The following CCDC69 variants were observed in gnomAD, a reference collection of about 807,000 sequenced individuals.
CCDC69 encodes the protein coiled-coil domain-containing protein 69.
Under a neutral mutation model 40.3 loss-of-function variants are expected in CCDC69, and 38 were observed. The ratio of observed to expected loss-of-function variants is 0.94; its 90% confidence interval spans 0.73 to 1.24. The LOEUF is 1.24. Among genes scored for constraint, CCDC69 ranks in the 50% most tolerant of loss-of-function variants. The pLI, the probability that CCDC69 is intolerant of heterozygous loss-of-function variation, is 0.00. For missense variants in CCDC69, 389 were observed against 357.9 expected (o/e 1.09, Z -0.70); for synonymous variants, 141 against 138.9 (o/e 1.02, Z -0.11).
At chr5:151,192,087 G>GAAA (rs34310340) in intron 4 of CCDC69, among the ~76,000 whole-genome samples, 38 of 38,792 alleles carry the variant, frequency 9.8e-4, no homozygotes, top group South Asian at 2.5e-3. Context: ...CCTGTCTCAG[G>GAAA]AAAAAAAAAA....
intron 1 of CCDC69, chr5:151,215,781 C>A: frequency 4.1e-6 from 1 of 245,776 alleles, no homozygotes; most frequent in Non-Finnish European, 9.2e-6. Flanking sequence ...AATAAGTACC[C>A]ATTAGTGAGG....
intron 4 of CCDC69, among the ~76,000 whole-genome samples, chr5:151,194,835 T>G (rs1442148432): frequency 7.3e-6 from 1 of 137,094 alleles, no homozygotes; most frequent in Admixed American, 8.5e-5. Flanking sequence ...GAGGTTGCAG[T>G]GAGCCGAGAT....
chr5:151,187,521 C>T, intron 4 of CCDC69, 62 bp from the exon 5 acceptor site: 2 of 1,393,046 alleles, frequency 1.4e-6, no homozygotes, highest in East Asian at 2.3e-5. Flanking sequence ...TCTGCAGGCC[C>T]CTTGGTGGCC....
At chr5:151,192,553 G>T (rs1752629050) in intron 4 of CCDC69, among the ~76,000 whole-genome samples, 2 of 152,040 alleles carry the variant, frequency 1.3e-5, no homozygotes, top group South Asian at 4.1e-4. Flanking sequence ...TGAAAGACAT[G>T]CCCAAGCACA....
chr5:151,223,086 T>TC (rs1272152845), intron 1 of CCDC69, among the ~76,000 whole-genome samples: 13 of 151,926 alleles, frequency 8.6e-5, no homozygotes, highest in African/African-American at 2.7e-4. Flanking sequence ...AATTTGAGGG[T>TC]CCTTCTTCCC....
intron 4 of CCDC69, among the ~76,000 whole-genome samples, chr5:151,196,027 C>T (rs1057368585): frequency 2.6e-5 from 4 of 152,198 alleles, no homozygotes; most frequent in Admixed American, 1.3e-4. Context: ...ATGTACTTTA[C>T]GGTCTTGCCT....
chr5:151,221,598 C>T (rs1753135789), intron 1 of CCDC69, among the ~76,000 whole-genome samples: 1 of 152,268 alleles, frequency 6.6e-6, no homozygotes, highest in Non-Finnish European at 1.5e-5. Context: ...AACTGCACAG[C>T]TTTGCCACCA....
intron 1 of CCDC69, chr5:151,212,870 T>G (rs1561604688): frequency 8.8e-6 from 4 of 456,090 alleles, no homozygotes; most frequent in Non-Finnish European, 1.8e-5. Flanking sequence ...GAAGAAAAAT[T>G]TCAGAACCAT....
rs1234341845 is a variant in CCDC69, at chr5:151,182,124, ATC to A, written c.*1311_*1312del. On this transcript the variant is annotated 3_prime_UTR_variant, in exon 9 of 9. Coordinates refer to ENST00000355417, the MANE Select transcript of CCDC69 (RefSeq NM_015621.3). The stretch of plus-strand genomic sequence containing the variant: ...TGAGCAAGGCCCTTTGACTCCTGTG[ATC>A]TGTTTGCCATGTTGCCAATGAGGAA... 3 of 152,180 alleles carry A rather than the reference ATC, an allele frequency of 2.0e-5. No homozygotes were observed. Among genetic ancestry groups the A allele is most frequent in the Non-Finnish European group, 2.9e-5 (2 of 68,042 alleles). 9.4% of individuals were successfully genotyped at this position (152,180 alleles called of 1,614,324 possible).
chr5:151,214,374 C>T (rs1028950239), intron 1 of CCDC69, among the ~76,000 whole-genome samples: 8 of 151,938 alleles, frequency 5.3e-5, no homozygotes, highest in Admixed American at 2.0e-4. Flanking sequence ...GGAGGAAGGG[C>T]GGGGCCTAAA....
At chr5:151,218,874 G>T (rs1014388686) in intron 1 of CCDC69, among the ~76,000 whole-genome samples, 1 of 152,172 alleles carries the variant, frequency 6.6e-6, no homozygotes, top group Non-Finnish European at 1.5e-5. Context: ...TAGAGGAAAA[G>T]AATTAAAAAC....
intron 4 of CCDC69, among the ~76,000 whole-genome samples, chr5:151,188,191 G>A (rs1752553408): frequency 6.6e-6 from 1 of 152,130 alleles, no homozygotes; most frequent in Non-Finnish European, 1.5e-5. Context: ...TTCCAACCTT[G>A]TCTCAGCTGA....
At chr5:151,202,915 A>G (rs1355541114) in intron 2 of CCDC69, among the ~76,000 whole-genome samples, 1 of 152,166 alleles carries the variant, frequency 6.6e-6, no homozygotes, top group Non-Finnish European at 1.5e-5. Context: ...TCAGGAAACA[A>G]TGGCAATAAA....
At position 151,203,816 on chromosome 5, in the gene CCDC69, G is replaced by A. The variant is rs541464271; in HGVS notation, c.124+1584C>T. ...ATATATAGTATATATAATATATATC[G>A]TATATATAGTATATATATAAAATAT... On this transcript the variant is annotated intron_variant, in intron 2 of 8. Transcript: ENST00000355417. Among the ~76,000 whole-genome samples the A allele has an allele frequency of 5.3e-3, 475 of 89,976 alleles. 2 individuals carry two copies. The highest frequency in any genetic ancestry group is 0.028 in the Middle Eastern group (4 of 142). 59.0% of individuals were successfully genotyped at this position (89,976 alleles called of 152,430 possible). A position where few individuals can be genotyped will look rare whatever the true frequency, so the allele number is the denominator to read the frequency against.
chr5:151,205,381 T>G lies in CCDC69; in HGVS notation c.124+19A>C. On this transcript the variant is annotated intron_variant, in intron 2 of 8. Transcript: ENST00000355417. The stretch of plus-strand genomic sequence containing the variant: ...CCTCACAGATGGCAGTTGGGGCCTT[T>G]GTGGGGCTGGCTACTCACCTGTGTC... The G allele has an allele frequency of 6.2e-7, 1 of 1,605,028 alleles. No individual in the cohort carries two copies. Among genetic ancestry groups the G allele is most frequent in the Non-Finnish European group, 8.5e-7 (1 of 1,171,806 alleles).
intron 1 of CCDC69, among the ~76,000 whole-genome samples, chr5:151,209,253 T>C (rs973838116): frequency 6.6e-6 from 1 of 152,238 alleles, no homozygotes; most frequent in African/African-American, 2.4e-5. Flanking sequence ...AAATATTGCA[T>C]AAGACGATTG....
intron 7 of CCDC69, 58 bp downstream of exon 7, chr5:151,185,364 A>C: frequency 2.5e-6 from 4 of 1,598,920 alleles, no homozygotes; most frequent in Non-Finnish European, 3.4e-6. Context: ...TTTACAAAGG[A>C]AACACCCAGA....
rs574758677 is a variant in CCDC69 at position 151,199,545 on chromosome 5, G to A, written c.232-461C>T. On this transcript the variant is annotated intron_variant, in intron 3 of 8. Transcript: ENST00000355417. The stretch of plus-strand genomic sequence containing the variant: ...TATTCCCAACATTTCTCTTCCCCAG[G>A]CTGAACCCTCCCAGCCATTCTCATT... 1.4e-4 allele frequency among the ~76,000 whole-genome samples: 22 copies of A among 152,058 alleles called. No homozygotes were observed. The East Asian group carries it at 4.3e-3, about 29-fold the overall frequency.
At chr5:151,211,748 T>C (rs188872328) in intron 1 of CCDC69, among the ~76,000 whole-genome samples, 1 of 152,136 alleles carries the variant, frequency 6.6e-6, no homozygotes, top group Non-Finnish European at 1.5e-5. Context: ...GGTCTCAAAC[T>C]CCTGACTTCA....
Sources: allele counts gnomAD v4.1 joint callset (sites outside exome capture counted in the v4.1 genomes callset), GRCh38; gene constraint gnomAD v4.1.1; transcripts MANE v1.5; gene names NCBI Gene and HGNC (gene_info 2026-07-23, HGNC 2026-07-21).